Variants in RNF115 observed in about 807,000 individuals in gnomAD.
RNF115 encodes E3 ubiquitin-protein ligase RNF115.
A neutral mutation model predicts 39.2 loss-of-function variants in RNF115; 31 were observed. That is an observed-to-expected ratio of 0.79 (90% confidence interval 0.59 to 1.07). RNF115 has a LOEUF of 1.07. RNF115 is among the 50% of genes least tolerant of loss of function. The probability of loss-of-function intolerance (pLI) is 0.00; values close to 1 mark genes in which losing one functional copy is unlikely to be tolerated. For synonymous variants in RNF115, 124 were observed against 131.0 expected, an observed-to-expected ratio of 0.95 and a Z score of 0.37; for missense variants, 384 against 381.7, an observed-to-expected ratio of 1.01 and a Z score of -0.05.
chr1:145,805,894 A>G (rs1228078655), intron 1 of RNF115, among the ~76,000 whole-genome samples: 3 of 152,170 alleles, frequency 2.0e-5, no homozygotes, highest in Non-Finnish European at 2.9e-5. Flanking sequence ...TATATAATTA[A>G]TTAAAATAAA....
intron 1 of RNF115, among the ~76,000 whole-genome samples, chr1:145,794,502 CTTTTTTTTTTT>C (rs57242475): frequency 6.2e-5 from 5 of 81,098 alleles, no homozygotes; most frequent in African/African-American, 1.0e-4. Context: ...TAATCTCTTT[CTTTTTTTTTTT>C]TTTTTTTTTT....
intron 1 of RNF115, among the ~76,000 whole-genome samples, chr1:145,795,832 A>C (rs1335602812): frequency 6.6e-6 from 1 of 152,228 alleles, no homozygotes; most frequent in Non-Finnish European, 1.5e-5. Context: ...AACTCTTCCC[A>C]AATGCTCTGC....
At chr1:145,755,427 C>T (rs1658260931) in intron 4 of RNF115, among the ~76,000 whole-genome samples, 1 of 152,086 alleles carries the variant, frequency 6.6e-6, no homozygotes, top group South Asian at 2.1e-4. Context: ...TCCTATACTG[C>T]AGCAATGGCC....
At position 145,804,499 on chromosome 1, in the gene RNF115, GCACACACACACA is replaced by G. The variant is rs35848173; in HGVS notation, c.103-15545_103-15534del. On this transcript the variant is annotated intron_variant, in intron 1 of 8. Coordinates refer to ENST00000582693, the MANE Select transcript of RNF115 (RefSeq NM_014455.4). The stretch of plus-strand genomic sequence containing the variant: ...GTCCACCTTAAATGCATGCATGCAT[GCACACACACACA>G]CACACACACACACACACACACAATC... 6.7e-5 allele frequency among the ~76,000 whole-genome samples: 10 copies of G among 148,540 alleles called. 1 individual carries two copies. The highest frequency in any genetic ancestry group is 6.9e-3 in the Middle Eastern group (2 of 290).
intron 1 of RNF115, among the ~76,000 whole-genome samples, chr1:145,797,100 C>T (rs782074046): frequency 2.2e-4 from 33 of 152,182 alleles, no homozygotes; most frequent in Non-Finnish European, 2.9e-4. Context: ...AACCCCTCAA[C>T]CCATCATGAT....
At chr1:145,807,056 C>T (rs587709345) in intron 1 of RNF115, among the ~76,000 whole-genome samples, 2 of 152,318 alleles carry the variant, frequency 1.3e-5, no homozygotes, top group South Asian at 4.2e-4. Context: ...GTACCTAGAA[C>T]AGCTCCTGGA....
At chr1:145,779,963 C>T (rs138478168) in intron 3 of RNF115, among the ~76,000 whole-genome samples, 1 of 152,104 alleles carries the variant, frequency 6.6e-6, no homozygotes, top group African/African-American at 2.4e-5. Context: ...CACGGTGACT[C>T]AAGCCCGTAA....
intron 6 of RNF115, 63 bp from the exon 7 acceptor site, chr1:145,750,563 C>T: frequency 8.0e-7 from 1 of 1,245,318 alleles, no homozygotes; most frequent in Non-Finnish European, 1.2e-6. Context: ...GGAGAGGGAA[C>T]TGCTCCAGCT....
At position 145,788,889 on chromosome 1, in the gene RNF115, T is replaced by C; in HGVS notation, c.161+19A>G. 6.4e-7 allele frequency: 1 copy of C among 1,556,220 alleles called. No homozygotes were observed. The highest frequency in any genetic ancestry group is 8.8e-7 in the Non-Finnish European group (1 of 1,131,222). On this transcript the variant is annotated intron_variant, in intron 2 of 8. Transcript: ENST00000582693. ...TTTGATAATAGAATGTCTGATTTAT[T>C]CATGAGCTTGTACAATACCTGGAAT...
intron 4 of RNF115, among the ~76,000 whole-genome samples, chr1:145,759,497 C>T (rs1323734085): frequency 1.3e-5 from 2 of 152,210 alleles, no homozygotes; most frequent in African/African-American, 4.8e-5. Context: ...CACATCCAAT[C>T]TGTCAGTAAC....
At chr1:145,783,181 A>C (rs1191279533) in intron 3 of RNF115, among the ~76,000 whole-genome samples, 1 of 152,302 alleles carries the variant, frequency 6.6e-6, no homozygotes, top group East Asian at 1.9e-4. Flanking sequence ...ATATTAAATA[A>C]TGTTTTTCAA....
chr1:145,766,477 G>A (rs1176915979), intron 4 of RNF115, among the ~76,000 whole-genome samples: 3 of 152,054 alleles, frequency 2.0e-5, no homozygotes, highest in African/African-American at 7.2e-5. Flanking sequence ...AACCGCCATT[G>A]TCATCATGGC....
At chr1:145,753,152 G>T in intron 4 of RNF115, 103 bp from the exon 5 acceptor site, 1 of 724,036 alleles carries the variant, frequency 1.4e-6, no homozygotes. Context: ...AACCAAAATG[G>T]CTTTTCATTG....
intron 4 of RNF115, among the ~76,000 whole-genome samples, chr1:145,753,879 G>A (rs1320068643): frequency 1.3e-5 from 2 of 152,098 alleles, no homozygotes; most frequent in Non-Finnish European, 2.9e-5. Flanking sequence ...ACCACACCCG[G>A]CTAATTTTTT....
chr1:145,781,741 G>C (rs953529346), intron 3 of RNF115, among the ~76,000 whole-genome samples: 1 of 152,182 alleles, frequency 6.6e-6, no homozygotes, highest in African/African-American at 2.4e-5. Flanking sequence ...ATAAGTGGCA[G>C]ACACAGGATT....
Position 145,774,535 on chromosome 1 carries a change from G to C in RNF115, c.220-2616C>G, listed in dbSNP as rs1196886058. ...CCGCTAATTTTTTATATTTGCAGTA[G>C]AGATGGGGTTTCACCATGTTGGCCA... On this transcript the variant is annotated intron_variant, in intron 3 of 8. Transcript: ENST00000582693. Among the ~76,000 whole-genome samples, 7 of 151,972 alleles carry C rather than the reference G, an allele frequency of 4.6e-5. No homozygotes were observed. In the East Asian group the frequency reaches 1.4e-3, roughly 29 times the overall value.
chr1:145,793,287 A>G (rs587747589), intron 1 of RNF115, among the ~76,000 whole-genome samples: 1 of 152,252 alleles, frequency 6.6e-6, no homozygotes, highest in African/African-American at 2.4e-5. Flanking sequence ...ACTGCACTGC[A>G]GTCTGGGTAA....
intron 1 of RNF115, among the ~76,000 whole-genome samples, chr1:145,794,819 T>C (rs1352154762): frequency 6.6e-6 from 1 of 151,862 alleles, no homozygotes; most frequent in African/African-American, 2.4e-5. Context: ...AGATTGAGAC[T>C]ATCCTGGCTA....
chr1:145,793,481 T>A (rs2101577517), intron 1 of RNF115, among the ~76,000 whole-genome samples: 1 of 152,222 alleles, frequency 6.6e-6, no homozygotes, highest in South Asian at 2.1e-4. Flanking sequence ...GCCCTCTTTC[T>A]TCTCTCTCCC....
Sources: gnomAD v4.1 joint callset for allele counts (sites outside exome capture counted in the v4.1 genomes callset) on GRCh38, gnomAD v4.1.1 for gene constraint, MANE v1.5 for transcripts, NCBI Gene and HGNC (gene_info 2026-07-23, HGNC 2026-07-21) for gene names.